The following ELP3 variants were observed in gnomAD, a reference collection of about 807,000 sequenced individuals.
ELP3 encodes elongator complex protein 3.
A neutral mutation model predicts 74.9 loss-of-function variants in ELP3; 56 were observed. The ratio of observed to expected loss-of-function variants is 0.75; its 90% CI spans 0.60 to 0.93. The LOEUF is 0.93. Among genes scored for constraint, ELP3 ranks in the 40% least tolerant of loss-of-function variants. ELP3 has a pLI of 0.00. For missense variants in ELP3, 573 were observed against 686.5 expected, an observed-to-expected ratio of 0.83 and a Z score of 1.85; for synonymous variants, 222 against 239.8, an observed-to-expected ratio of 0.93 and a Z score of 0.68.
rs1346261841 is a variant in ELP3, at chr8:28,137,620, CT to C, written c.907-77del. 2.8e-6 allele frequency: 4 copies of C among 1,423,536 alleles called. No homozygotes were observed. In the East Asian group the frequency reaches 9.1e-5, roughly 32 times the overall value. 88.2% of individuals were successfully genotyped at this position (1,423,536 alleles called of 1,614,324 possible). On this transcript the variant is annotated intron_variant, in intron 9 of 14. Transcript: ENST00000256398. ...GGGCCTACTGGGTGTGCCAGAGAAG[CT>C]GTCAGGGGTTGAGATTTCACCCTCG...
chr8:28,166,196 G>A (rs138197149), intron 14 of ELP3, among the ~76,000 whole-genome samples: 7 of 152,276 alleles, frequency 4.6e-5, no homozygotes, highest in African/African-American at 1.2e-4. Flanking sequence ...GTGAACGTTC[G>A]TGTTGGGCTA....
At position 28,107,909 on chromosome 8, in the gene ELP3, G is replaced by A. The variant is rs775459581; in HGVS notation, c.330-4G>A. The A allele has an allele frequency of 6.2e-7, 1 of 1,613,234 alleles. No homozygotes were observed. The highest frequency in any genetic ancestry group is 8.5e-7 in the Non-Finnish European group (1 of 1,179,482). ...ACATTCTTGTTCTTTTGTTGTACTG[G>A]CAGATACTGCCCTGGTGGACCTGAT... On this transcript the variant is annotated splice_region_variant and splice_polypyrimidine_tract_variant and intron_variant, in intron 4 of 14. Coordinates refer to ENST00000256398, the MANE Select transcript of ELP3 (RefSeq NM_018091.6).
intron 1 of ELP3, among the ~76,000 whole-genome samples, chr8:28,093,983 A>T (rs537218411): frequency 6.6e-6 from 1 of 152,268 alleles, no homozygotes; most frequent in African/African-American, 2.4e-5. Flanking sequence ...CTGGCTGGTC[A>T]GGCTGTATCT....
intron 9 of ELP3, among the ~76,000 whole-genome samples, chr8:28,136,733 A>G (rs747040202): frequency 2.4e-4 from 37 of 152,250 alleles, no homozygotes; most frequent in Non-Finnish European, 3.8e-4. Flanking sequence ...GTATTTTTCC[A>G]GTTTACAAGA....
intron 13 of ELP3, among the ~76,000 whole-genome samples, chr8:28,160,990 T>A (rs1057341721): frequency 6.6e-6 from 1 of 152,192 alleles, no homozygotes; most frequent in African/African-American, 2.4e-5. Flanking sequence ...CTACTGTGCC[T>A]GGCCTGCAGT....
At chr8:28,102,188 T>G (rs1400198588) in intron 3 of ELP3, among the ~76,000 whole-genome samples, 1 of 152,224 alleles carries the variant, frequency 6.6e-6, no homozygotes, top group African/African-American at 2.4e-5. Context: ...AACCATTCCC[T>G]GAGCTTCAGA....
At chr8:28,103,820 C>G (rs1437014369) in intron 3 of ELP3, among the ~76,000 whole-genome samples, 1 of 152,184 alleles carries the variant, frequency 6.6e-6, no homozygotes, top group Non-Finnish European at 1.5e-5. Flanking sequence ...GCAGCAACCT[C>G]CCAGGTTCAA....
chr8:28,154,401 A>T (rs12548106), intron 10 of ELP3, among the ~76,000 whole-genome samples: 44,647 of 151,992 alleles, frequency 0.29, 6,970 homozygotes, highest in East Asian at 0.57. Flanking sequence ...GGGCGCTAAC[A>T]CTGGTTGCCA....
intron 3 of ELP3, among the ~76,000 whole-genome samples, chr8:28,104,062 A>G (rs905372401): frequency 3.3e-5 from 5 of 152,150 alleles, no homozygotes; most frequent in Non-Finnish European, 1.5e-5. Context: ...TCATAGTTGA[A>G]CAGTGGTATC....
At chr8:28,091,512 G>A (rs1003230087), upstream of ELP3, among the ~76,000 whole-genome samples, 8 of 152,174 alleles carry the variant, frequency 5.3e-5, no homozygotes, top group African/African-American at 1.9e-4. Context: ...GCTTAGCAAG[G>A]CCAGTTTCAG....
intron 14 of ELP3, among the ~76,000 whole-genome samples, chr8:28,168,194 G>T (rs2130571916): frequency 6.6e-6 from 1 of 151,602 alleles, no homozygotes; most frequent in Non-Finnish European, 1.5e-5. Flanking sequence ...TAGTACACAT[G>T]TTTTGAATAT....
intron 5 of ELP3, among the ~76,000 whole-genome samples, chr8:28,108,629 G>A (rs1283888285): frequency 6.6e-6 from 1 of 151,854 alleles, no homozygotes; most frequent in Non-Finnish European, 1.5e-5. Flanking sequence ...GCTAATTTTT[G>A]TATTTTTAGT....
At chr8:28,169,291 C>A (rs1013612085) in intron 14 of ELP3, among the ~76,000 whole-genome samples, 1 of 152,178 alleles carries the variant, frequency 6.6e-6, no homozygotes, top group Admixed American at 6.5e-5. Flanking sequence ...TTATAACATA[C>A]CACCCCAAAG....
In ELP3 at chr8:28,158,553, A is replaced by AAT; in HGVS notation, c.1192-15_1192-14insAT. Reference sequence around the variant, plus strand: ...CCCACCCCCCAACCCCGCTCACGCCATTTTTTTTTGACAGTGTCGAGATGT... The same window carrying AAT: ...CCCACCCCCCAACCCCGCTCACGCCAATTTTTTTTTTGACAGTGTCGAGATGT... On this transcript the variant is annotated splice_polypyrimidine_tract_variant and intron_variant, in intron 11 of 14. Coordinates refer to ENST00000256398, the MANE Select transcript of ELP3 (RefSeq NM_018091.6). 8 of 1,386,090 alleles carry AAT rather than the reference A, an allele frequency of 5.8e-6. No individual in the cohort carries two copies. Among genetic ancestry groups the AAT allele is most frequent in the African/African-American group, 1.8e-5 (1 of 56,782 alleles). The allele number at this position is 1,386,090 out of a possible 1,614,324, so 85.9% of individuals were successfully genotyped here.
At position 28,190,962 on chromosome 8, in the gene ELP3, C is replaced by G. The variant is rs889488162; in HGVS notation, c.*1237C>G. The G allele has an allele frequency of 2.6e-5, 4 of 152,206 alleles. No individual in the cohort carries two copies. Among genetic ancestry groups the G allele is most frequent in the Non-Finnish European group, 4.4e-5 (3 of 68,040 alleles). The allele number at this position is 152,206 out of a possible 1,614,324, so 9.4% of individuals were successfully genotyped here. On this transcript the variant is annotated 3_prime_UTR_variant, in exon 15 of 15. Transcript: ENST00000256398. ...AAACAATGGAAAACAGGATTGGCTT[C>G]TTCAAAGGCTCCTCTTGTAGAACTG... is the stretch of plus-strand genomic sequence containing the variant.
intron 4 of ELP3, 26 bp downstream of exon 4, chr8:28,106,809 G>C (rs1385732983): frequency 1.3e-6 from 2 of 1,579,710 alleles, no homozygotes; most frequent in African/African-American, 2.7e-5. Flanking sequence ...TTATTAAATT[G>C]TATGTATGTT....
At chr8:28,139,814 A>G (rs1813155364) in intron 10 of ELP3, among the ~76,000 whole-genome samples, 1 of 152,158 alleles carries the variant, frequency 6.6e-6, no homozygotes. Flanking sequence ...ACGTGGTGGC[A>G]GGTGCCTGTA....
intron 10 of ELP3, among the ~76,000 whole-genome samples, chr8:28,138,855 C>G (rs1218198003): frequency 6.6e-6 from 1 of 152,156 alleles, no homozygotes; most frequent in Non-Finnish European, 1.5e-5. Flanking sequence ...ATCTGAATTG[C>G]CTATATGGTC....
chr8:28,093,057 G>C, upstream of ELP3: 1 of 1,199,600 alleles, frequency 8.3e-7, no homozygotes, highest in Middle Eastern at 1.9e-4. Context: ...ACGGGGCGGG[G>C]CGTGGCTTTG....
Sources: gnomAD v4.1 joint callset for allele counts (sites outside exome capture counted in the v4.1 genomes callset) on GRCh38, gnomAD v4.1.1 for gene constraint, MANE v1.5 for transcripts, NCBI Gene and HGNC (gene_info 2026-07-23, HGNC 2026-07-21) for gene names.